Variants in PHRF1 observed in about 807,000 individuals in gnomAD.
PHRF1 encodes PHD and ring finger domains 1, also known as PHD and RING finger domain-containing protein 1.
PHRF1 carries 53 observed loss-of-function variants against 128.9 expected under a neutral mutation model. The observed-to-expected ratio is 0.41, with a 90% CI of 0.33 to 0.52. The LOEUF (loss-of-function observed/expected upper bound fraction) is 0.52. Ranked by LOEUF, PHRF1 falls within the 20% of genes least tolerant of loss-of-function variation. PHRF1 has a pLI of 0.21. For missense variants in PHRF1, 2,503 were observed against 2,284.5 expected (o/e 1.10, Z -1.95); for synonymous variants, 1,178 against 980.6 (o/e 1.20, Z -3.76).
intron 6 of PHRF1, among the ~76,000 whole-genome samples, chr11:593,276 TC>T (rs1855090168): frequency 1.3e-5 from 2 of 152,250 alleles, no homozygotes; most frequent in South Asian, 4.1e-4. Flanking sequence ...GAATAATTTT[TC>T]TGCTGTGAAA....
At chr11:579,172 T>A (rs1564835326) in intron 1 of PHRF1, among the ~76,000 whole-genome samples, 1 of 152,158 alleles carries the variant, frequency 6.6e-6, no homozygotes, top group African/African-American at 2.4e-5. Context: ...CTATGTGAAA[T>A]TCATCATCAA....
At chr11:584,900 G>C (rs1424271909) in intron 3 of PHRF1, among the ~76,000 whole-genome samples, 2 of 151,974 alleles carry the variant, frequency 1.3e-5, no homozygotes. Flanking sequence ...ACCATGCCTG[G>C]GTAATTTTTG....
chr11:581,607 G>GTGAGC lies in PHRF1; in HGVS notation c.94+4_94+8dup. The GTGAGC allele has an allele frequency of 6.2e-7, 1 of 1,612,226 alleles. No homozygotes were observed. The highest frequency in any genetic ancestry group is 8.5e-7 in the Non-Finnish European group (1 of 1,179,292). On this transcript the variant is annotated splice_donor_variant, in intron 2 of 17. Transcript: ENST00000264555. LOFTEE classifies it high-confidence loss of function. Reference sequence around the variant, plus strand: ...CCTGCGGACCCGGCAGGTGACTTTGGTGAGCTGCCTAGCGCCGGGTAGGGG... The same window carrying GTGAGC: ...CCTGCGGACCCGGCAGGTGACTTTGGTGAGCTGAGCTGCCTAGCGCCGGGTAGGGG...
chr11:593,431 G>A (rs948715694), intron 6 of PHRF1, among the ~76,000 whole-genome samples: 1 of 152,240 alleles, frequency 6.6e-6, no homozygotes, highest in African/African-American at 2.4e-5. Flanking sequence ...TTGACGTGCC[G>A]CGGCTGGAGC....
chr11:582,345 A>C (rs1037198954), intron 3 of PHRF1, among the ~76,000 whole-genome samples: 1 of 150,412 alleles, frequency 6.6e-6, no homozygotes, highest in African/African-American at 2.5e-5. Context: ...GCTCACTGCA[A>C]CTTCTGCCTC....
At position 611,735 on chromosome 11, in the gene PHRF1, AGAGGCCGGGGAG is replaced by A; in HGVS notation, c.4912_4923del (p.Ala1638_Glu1641del). The A allele has an allele frequency of 1.9e-6, 3 of 1,612,532 alleles. No individual in the cohort carries two copies. Among genetic ancestry groups the A allele is most frequent in the Non-Finnish European group, 2.5e-6 (3 of 1,179,664 alleles). ...GGCACATGCGCAGGCACAAGAAACC[AGAGGCCGGGGAG>A]GAGCCGCCCACGCAGGGGGCCGAGG... On this transcript the variant is annotated inframe_deletion, in exon 18 of 18. Coordinates refer to ENST00000264555, the MANE Select transcript of PHRF1 (RefSeq NM_001286581.2).
chr11:592,497 G>A (rs560504091), intron 5 of PHRF1, 62 bp from the exon 6 acceptor site: 4 of 1,511,562 alleles, frequency 2.6e-6, no homozygotes, highest in East Asian at 2.3e-5. Context: ...TGCGTTTCAC[G>A]CTGGGAAGTG....
In PHRF1 at chr11:607,681, G is replaced by A. The variant is rs749969146; in HGVS notation, c.2225G>A (p.Gly742Glu). The A allele has an allele frequency of 1.9e-6, 3 of 1,610,118 alleles. No homozygotes were observed. In the African/African-American group the frequency reaches 4.0e-5, roughly 22 times the overall value. ...AGCAGCAGGGTGCCCCGGGAGCCCG[G>A]GGTGCACACGGGCAGCTCCCGGCCC... Reference protein sequence around the residue: ...EASSRVPREPGVHTGSSRPPA... With the variant: ...EASSRVPREPEVHTGSSRPPA... The change falls in exon 14 of 18, where the codon GGG (glycine) becomes GAG (glutamate). Residue 742 changes from glycine (G) to glutamate (E), a missense_variant. By Grantham distance (98) the Gly-to-Glu change is moderately conservative (BLOSUM62 -2). Coordinates refer to ENST00000264555, the MANE Select transcript of PHRF1 (RefSeq NM_001286581.2).
chr11:610,989 G>A lies in PHRF1; in HGVS notation c.4713G>A (p.Val1571=), dbSNP rs376930975. ...AGCTGCACATGCAGGAGCGTGCTGT[G>A]GAGGAGGTGAAGCTGGCCATCAAGC... ...MKKLHMQERA[V]EEVKLAIKPF... The change falls in exon 17 of 18, where the codon GTG becomes GTA. Residue 1571 remains valine, a synonymous_variant. Transcript: ENST00000264555. 1.4e-5 allele frequency: 23 copies of A among 1,613,540 alleles called. No homozygotes were observed. The African/African-American group carries it at 3.1e-4, about 21-fold the overall frequency.
At chr11:588,824 C>G (rs1283852410) in intron 4 of PHRF1, among the ~76,000 whole-genome samples, 1 of 151,996 alleles carries the variant, frequency 6.6e-6, no homozygotes, top group Non-Finnish European at 1.5e-5. Context: ...CATTTGCAAA[C>G]AAGTTTGTCA....
intron 3 of PHRF1, among the ~76,000 whole-genome samples, chr11:583,362 C>A (rs574608182): frequency 1.3e-5 from 2 of 151,278 alleles, no homozygotes; most frequent in African/African-American, 4.8e-5. Flanking sequence ...AAAAACCCCA[C>A]CAAAATTAGC....
rs749781568 is a variant in PHRF1, at chr11:608,458, G to A, written c.3002G>A (p.Ser1001Asn). 3 of 1,612,392 alleles carry A rather than the reference G, an allele frequency of 1.9e-6. No individual in the cohort carries two copies. In the South Asian group the frequency reaches 3.3e-5, roughly 18 times the overall value. The change falls in exon 14 of 18, where the codon AGC becomes AAC. Residue 1001 changes from serine to asparagine, a missense_variant. Physicochemically the swap from Ser to Asn is conservative, Grantham distance 46 (BLOSUM62 1). Transcript: ENST00000264555. ...SRSRSTSSSRSRKKAKRKRVS... is the reference protein window; with the variant it reads ...SRSRSTSSSRNRKKAKRKRVS... ...TCCCGCTCCACATCCAGCTCCCGCA[G>A]CAGGAAGAAGGCCAAGAGGAAGAGG...
intron 3 of PHRF1, among the ~76,000 whole-genome samples, chr11:586,124 G>A (rs1159604852): frequency 1.3e-5 from 2 of 152,152 alleles, no homozygotes; most frequent in African/African-American, 4.8e-5. Flanking sequence ...GCCTCCCAAA[G>A]TACTAGGATT....
intron 10 of PHRF1, among the ~76,000 whole-genome samples, chr11:604,612 T>G (rs1855836418): frequency 6.6e-6 from 1 of 152,146 alleles, no homozygotes; most frequent in Non-Finnish European, 1.5e-5. Context: ...CCTCCCGGGT[T>G]CAAGCAGTTC....
intron 3 of PHRF1, among the ~76,000 whole-genome samples, chr11:586,960 C>G (rs1293323367): frequency 3.3e-5 from 5 of 152,184 alleles, no homozygotes; most frequent in Non-Finnish European, 5.9e-5. Context: ...GCTGCCCTGC[C>G]TCTCGAGGTC....
chr11:581,652 G>C (rs757041752), intron 2 of PHRF1, 46 bp downstream of exon 2: 2 of 1,534,490 alleles, frequency 1.3e-6, no homozygotes, highest in Non-Finnish European at 1.8e-6. Context: ...GAGGAGCAGG[G>C]TGCCTGGTGT....
At chr11:604,182 A>G (rs1855811868) in intron 10 of PHRF1, among the ~76,000 whole-genome samples, 1 of 152,160 alleles carries the variant, frequency 6.6e-6, no homozygotes, top group Admixed American at 6.5e-5. Flanking sequence ...CCTGGGTTGG[A>G]ACCTCGTCTC....
Position 578,230 on chromosome 11 carries a change from G to A in PHRF1, c.-22+1638G>A, listed in dbSNP as rs189440616. Among the ~76,000 whole-genome samples, 401 of 152,340 alleles carry A rather than the reference G, an allele frequency of 2.6e-3. 1 individual carries two copies. Among genetic ancestry groups the A allele is most frequent in the Admixed American group, 7.8e-3 (120 of 15,302 alleles). On this transcript the variant is annotated intron_variant, in intron 1 of 17. Coordinates refer to ENST00000264555, the MANE Select transcript of PHRF1 (RefSeq NM_001286581.2). ...GGTGCTTGTGCCAGAGGGTACCTGC[G>A]GAGGCTTCCTGGGTTATTTTGTGTT...
In PHRF1 at chr11:608,030, G is replaced by C; in HGVS notation, c.2574G>C (p.Glu858Asp). The change falls in exon 14 of 18, where the codon GAG (glutamate) becomes GAC (aspartate). Residue 858 changes from glutamate to aspartate, a missense_variant. Physicochemically the swap from Glu to Asp is conservative, Grantham distance 45. Transcript: ENST00000264555. ...ERSGPGLLPS[E>D]ITRTISINSP... ...CTGGCCCCGGCCTCCTGCCCTCTGAGATCACACGAACCATCTCCATCAACA... is the reference window on the plus strand; with the variant it reads ...CTGGCCCCGGCCTCCTGCCCTCTGACATCACACGAACCATCTCCATCAACA... 2 of 1,611,224 alleles carry C rather than the reference G, an allele frequency of 1.2e-6. No homozygotes were observed. Among genetic ancestry groups the C allele is most frequent in the Non-Finnish European group, 1.7e-6 (2 of 1,179,866 alleles).
Sources: allele counts gnomAD v4.1 joint callset (sites outside exome capture counted in the v4.1 genomes callset), GRCh38; gene constraint gnomAD v4.1.1; transcripts MANE v1.5; gene names NCBI Gene and HGNC (gene_info 2026-07-23, HGNC 2026-07-21).